The following TNRC6B variants were observed in gnomAD, a reference collection of about 807,000 sequenced individuals.
TNRC6B encodes the protein trinucleotide repeat-containing gene 6B protein.
Under a neutral mutation model 203.6 loss-of-function variants are expected in TNRC6B, and 52 were observed. The ratio of observed to expected loss-of-function variants is 0.26; its 90% CI spans 0.20 to 0.32. The LOEUF (loss-of-function observed/expected upper bound fraction) is 0.32. Among genes scored for constraint, TNRC6B ranks in the 10% least tolerant of loss-of-function variants. The probability of loss-of-function intolerance (pLI) is 1.00; values close to 1 mark genes in which losing one functional copy is unlikely to be tolerated. For missense variants in TNRC6B, 1,923 were observed against 2,286.2 expected (o/e 0.84, Z 3.24); for synonymous variants, 838 against 845.7 (o/e 0.99, Z 0.16).
chr22:40,192,572 G>A (rs1317608311), intron 1 of TNRC6B, among the ~76,000 whole-genome samples: 1 of 152,130 alleles, frequency 6.6e-6, no homozygotes, highest in African/African-American at 2.4e-5. Flanking sequence ...AGCCGAGATC[G>A]AGCCACTGCA....
intron 1 of TNRC6B, chr22:40,106,997 C>T: frequency 8.4e-7 from 1 of 1,185,808 alleles, no homozygotes; most frequent in East Asian, 2.3e-5. Flanking sequence ...TGCAAAATTC[C>T]TTCACTTTTT....
intron 1 of TNRC6B, among the ~76,000 whole-genome samples, chr22:40,087,884 G>A (rs549834708): frequency 9.2e-5 from 14 of 152,246 alleles, no homozygotes; most frequent in African/African-American, 3.1e-4. Context: ...GATGTACAGC[G>A]TTTGGTGACC....
chr22:40,234,668 A>G (rs2069924069), intron 1 of TNRC6B, among the ~76,000 whole-genome samples: 1 of 152,218 alleles, frequency 6.6e-6, no homozygotes, highest in Admixed American at 6.5e-5. Flanking sequence ...TCACATAATA[A>G]AATTGAAGGC....
At chr22:40,174,824 CAAA>C (rs1179268276), upstream of TNRC6B, among the ~76,000 whole-genome samples, 5 of 86,776 alleles carry the variant, frequency 5.8e-5, no homozygotes, top group Admixed American at 1.3e-4. Context: ...GACTCCATCT[CAAA>C]AAAAAAAAAA....
Position 40,194,116 on chromosome 22 carries a change from G to A in TNRC6B, c.5+15976G>A, listed in dbSNP as rs546515243. 1.7e-4 allele frequency among the ~76,000 whole-genome samples: 26 copies of A among 152,332 alleles called. No individual in the cohort carries two copies. The South Asian group carries it at 5.0e-3, about 29-fold the overall frequency. On this transcript the variant is annotated intron_variant, in intron 1 of 22. Transcript: ENST00000454349. Reference sequence around the variant, plus strand: ...TGCTGGTGAATATGCATGACAGTGCGTGTTAGGTTGAGAATAAAAGAACCA... The same window carrying A: ...TGCTGGTGAATATGCATGACAGTGCATGTTAGGTTGAGAATAAAAGAACCA...
chr22:40,154,358 G>A (rs2068790832), intron 3 of TNRC6B, among the ~76,000 whole-genome samples: 1 of 151,880 alleles, frequency 6.6e-6, no homozygotes, highest in African/African-American at 2.4e-5. Flanking sequence ...CAGCTACTCG[G>A]GAGGCTGAGG....
chr22:40,110,777 A>G (rs570769846), intron 1 of TNRC6B, among the ~76,000 whole-genome samples: 8 of 152,340 alleles, frequency 5.3e-5, no homozygotes, highest in East Asian at 3.9e-4. Context: ...TCTCCCAGGA[A>G]GTCTGGGGAT....
intron 1 of TNRC6B, among the ~76,000 whole-genome samples, chr22:40,069,513 G>T (rs1263321422): frequency 6.7e-6 from 1 of 148,226 alleles, no homozygotes; most frequent in African/African-American, 2.5e-5. Context: ...TTGAGATGGA[G>T]TTTCGCTCTC....
chr22:40,189,945 T>C (rs2069250997), intron 1 of TNRC6B, among the ~76,000 whole-genome samples: 1 of 152,214 alleles, frequency 6.6e-6, no homozygotes, highest in Admixed American at 6.5e-5. Context: ...AGTCTCAGAA[T>C]AAGAGCCGTC....
At chr22:40,052,057 C>T (rs2067750433) in intron 1 of TNRC6B, among the ~76,000 whole-genome samples, 1 of 152,174 alleles carries the variant, frequency 6.6e-6, no homozygotes, top group Non-Finnish European at 1.5e-5. Flanking sequence ...AGGGCCATAC[C>T]TGGGTACTTC....
chr22:40,286,362 C>G (rs1303944448), intron 12 of TNRC6B, among the ~76,000 whole-genome samples: 1 of 152,138 alleles, frequency 6.6e-6, no homozygotes, highest in East Asian at 1.9e-4. Context: ...CAAAAATTAG[C>G]TGGGCATGGT....
chr22:40,189,498 C>CAAAA (rs56029573), intron 1 of TNRC6B, among the ~76,000 whole-genome samples: 5 of 112,278 alleles, frequency 4.5e-5, no homozygotes, highest in African/African-American at 1.4e-4. Flanking sequence ...TTTGTCTGCC[C>CAAAA]AAAAAAAAAA....
intron 15 of TNRC6B, among the ~76,000 whole-genome samples, chr22:40,303,461 T>C (rs2146552402): frequency 6.6e-6 from 1 of 152,356 alleles, no homozygotes; most frequent in African/African-American, 2.4e-5. Context: ...TGCATTATAT[T>C]ATTCCATATT....
chr22:40,076,267 A>G (rs918123208), intron 1 of TNRC6B, among the ~76,000 whole-genome samples: 1 of 152,182 alleles, frequency 6.6e-6, no homozygotes, highest in Non-Finnish European at 1.5e-5. Flanking sequence ...AAATACAAAA[A>G]TTAGGCAGAC....
chr22:40,305,958 A>G (rs1444436073), intron 15 of TNRC6B, among the ~76,000 whole-genome samples: 1 of 148,662 alleles, frequency 6.7e-6, no homozygotes, highest in Non-Finnish European at 1.5e-5. Context: ...TCTGCATTTC[A>G]TTTGTCACCA....
At chr22:40,294,313 G>A (rs1481162510) in intron 12 of TNRC6B, among the ~76,000 whole-genome samples, 1 of 152,096 alleles carries the variant, frequency 6.6e-6, no homozygotes, top group Admixed American at 6.6e-5. Flanking sequence ...CAGTTCTGGA[G>A]GCTTTTCAGT....
chr22:40,158,340 C>A (rs1272626018), intron 4 of TNRC6B, among the ~76,000 whole-genome samples: 1 of 139,186 alleles, frequency 7.2e-6, no homozygotes. Context: ...ACTCCATCTT[C>A]AATAAATAAA....
rs371796468 is a variant in TNRC6B, at chr22:40,302,389, C to G, written c.4120+1056C>G. ...GTGACTCACACCTGTAATCCCAGCC[C>G]CTTGGGAGGCTGAGGCAGGCAGATC... On this transcript the variant is annotated intron_variant, in intron 15 of 22. Transcript: ENST00000454349. Among the ~76,000 whole-genome samples the G allele has an allele frequency of 4.5e-3, 689 of 152,218 alleles. 4 individuals carry two copies. Among genetic ancestry groups the G allele is most frequent in the African/African-American group, 0.016 (646 of 41,538 alleles).
At chr22:40,178,520 G>A (rs1272781296) in intron 1 of TNRC6B, among the ~76,000 whole-genome samples, 1 of 152,204 alleles carries the variant, frequency 6.6e-6, no homozygotes, top group African/African-American at 2.4e-5. Context: ...AAATATAAAT[G>A]GGTTTGCATT....
Sources: gnomAD v4.1 joint callset for allele counts (sites outside exome capture counted in the v4.1 genomes callset) on GRCh38, gnomAD v4.1.1 for gene constraint, MANE v1.5 for transcripts, NCBI Gene and HGNC (gene_info 2026-07-23, HGNC 2026-07-21) for gene names.